The following RAB20 variants were observed in gnomAD, a reference collection of about 807,000 sequenced individuals.
RAB20 encodes the protein ras-related protein Rab-20.
RAB20 carries 2 observed loss-of-function variants against 3.7 expected under a neutral mutation model. The ratio of observed to expected loss-of-function variants is 0.54; its 90% CI spans 0.22 to 1.69. The LOEUF (loss-of-function observed/expected upper bound fraction) is 1.69, where lower values mean the gene tolerates loss of function less well. Ranked by LOEUF, RAB20 falls within the 40% of genes most tolerant of loss-of-function variation. The pLI is 0.19. For missense variants in RAB20, 276 were observed against 311.9 expected (o/e 0.88, Z 0.87); for synonymous variants, 126 against 130.8 (o/e 0.96, Z 0.25).
Position 110,524,216 on chromosome 13 carries a change from CAGAA to C in RAB20, c.173-23_173-20del. 6.4e-7 allele frequency: 1 copy of C among 1,563,162 alleles called. No homozygotes were observed. Among genetic ancestry groups the C allele is most frequent in the Non-Finnish European group, 8.6e-7 (1 of 1,160,538 alleles). ...TCCCGCCCTGGTGGGAAGAGAGGGACAGAAAGAGTGGTTATCTCTCATCTCAGAA... is the reference window on the plus strand; with the variant it reads ...TCCCGCCCTGGTGGGAAGAGAGGGACAGAGTGGTTATCTCTCATCTCAGAA... On this transcript the variant is annotated intron_variant, in intron 1 of 1. Coordinates refer to ENST00000267328, the MANE Select transcript of RAB20 (RefSeq NM_017817.3).
intron 1 of RAB20, among the ~76,000 whole-genome samples, chr13:110,536,723 G>GGC (rs1884645747): frequency 2.1e-5 from 1 of 46,802 alleles, no homozygotes; most frequent in Non-Finnish European, 4.0e-5. Flanking sequence ...CTTTTTTTTG[G>GGC]GGCGGTGGGG....
chr13:110,538,825 C>T (rs760932608), intron 1 of RAB20, among the ~76,000 whole-genome samples: 9 of 152,062 alleles, frequency 5.9e-5, no homozygotes, highest in Non-Finnish European at 1.0e-4. Flanking sequence ...CACGTTCTTA[C>T]TCTGAGACCA....
Position 110,524,092 on chromosome 13 carries a change from T to C in RAB20, c.278A>G (p.Asp93Gly). 1 of 1,613,530 alleles carries C rather than the reference T, an allele frequency of 6.2e-7. No homozygotes were observed. The highest frequency in any genetic ancestry group is 8.5e-7 in the Non-Finnish European group (1 of 1,180,012). The change falls in exon 2 of 2, where the codon GAC (aspartate) becomes GGC (glycine). Residue 93 changes from aspartate (D) to glycine (G), a missense_variant. Transcript: ENST00000267328. ...TGTGTCTGTCAGGCCCAGGAACCGGTCCTCCAGCTCCACCAGGCTCTGCCG... is the reference window on the plus strand; with the variant it reads ...TGTGTCTGTCAGGCCCAGGAACCGGCCCTCCAGCTCCACCAGGCTCTGCCG... ...NHRQSLVELE[D>G]RFLGLTDTAS...
chr13:110,553,747 G>A (rs945340072), intron 1 of RAB20, among the ~76,000 whole-genome samples: 1 of 152,172 alleles, frequency 6.6e-6, no homozygotes, highest in Non-Finnish European at 1.5e-5. Flanking sequence ...ACCATATTAA[G>A]GCCTCAAAAA....
At chr13:110,559,452 C>T (rs1367181371) in intron 1 of RAB20, among the ~76,000 whole-genome samples, 1 of 152,150 alleles carries the variant, frequency 6.6e-6, no homozygotes, top group Non-Finnish European at 1.5e-5. Flanking sequence ...CTGTTCCTAC[C>T]TCTCTTTTCC....
chr13:110,526,173 G>T lies in RAB20; in HGVS notation c.173-1976C>A, dbSNP rs77876825. On this transcript the variant is annotated intron_variant, in intron 1 of 1. Transcript: ENST00000267328. ...CCGGGCCATGCCCTTAGGCCAAGAG[G>T]AGGGAGAGCTGGGAACGACTGACAG... 9.4e-3 allele frequency among the ~76,000 whole-genome samples: 1,209 copies of T among 128,902 alleles called. 13 individuals carry two copies. Among genetic ancestry groups the T allele is most frequent in the African/African-American group, 0.034 (1,147 of 33,346 alleles). 84.6% of individuals were successfully genotyped at this position (128,902 alleles called of 152,430 possible).
At chr13:110,542,998 C>A (rs1309552723) in intron 1 of RAB20, among the ~76,000 whole-genome samples, 1 of 152,194 alleles carries the variant, frequency 6.6e-6, no homozygotes, top group Non-Finnish European at 1.5e-5. Context: ...ACAGGTGCGA[C>A]CTGACAGCTC....
intron 1 of RAB20, among the ~76,000 whole-genome samples, chr13:110,554,012 G>A (rs1316250247): frequency 1.3e-5 from 2 of 152,142 alleles, no homozygotes; most frequent in Non-Finnish European, 2.9e-5. Context: ...CTACTCAGGA[G>A]GCTGAGGTGG....
intron 1 of RAB20, among the ~76,000 whole-genome samples, chr13:110,529,755 C>T (rs1301504133): frequency 6.6e-6 from 1 of 152,102 alleles, no homozygotes; most frequent in Non-Finnish European, 1.5e-5. Context: ...CCCAGCCTTC[C>T]GCCAGACTCT....
Position 110,524,020 on chromosome 13 carries a change from A to T in RAB20, c.350T>A (p.Leu117His). 1.2e-6 allele frequency: 2 copies of T among 1,614,070 alleles called. No homozygotes were observed. Among genetic ancestry groups the T allele is most frequent in the Non-Finnish European group, 8.5e-7 (1 of 1,180,014 alleles). Residue 117 changes from leucine to histidine, a missense_variant, in exon 2 of 2, where the codon CTC becomes CAC. Leu to His is a moderately conservative substitution (Grantham distance 99, BLOSUM62 -3). Coordinates refer to ENST00000267328, the MANE Select transcript of RAB20 (RefSeq NM_017817.3). Reference sequence around the variant, plus strand: ...GCCCGCCAAGGCCCCCTCCTCAGTGAGGTCCACTTTGTTCCCCACGATGGC... The same window carrying T: ...GCCCGCCAAGGCCCCCTCCTCAGTGTGGTCCACTTTGTTCCCCACGATGGC... The part of the protein sequence containing the change: ...LFAIVGNKVD[L>H]TEEGALAGQE...
rs370664083 is a variant in RAB20, at chr13:110,524,166, C to G, written c.204G>C (p.Met68Ile). The G allele has an allele frequency of 6.2e-7, 1 of 1,602,782 alleles. No individual in the cohort carries two copies. Among genetic ancestry groups the G allele is most frequent in the Non-Finnish European group, 8.5e-7 (1 of 1,178,684 alleles). Residue 68 changes from methionine to isoleucine, a missense_variant, in exon 2 of 2, where the codon ATG becomes ATC. Physicochemically the swap from Met to Ile is conservative, Grantham distance 10. Transcript: ENST00000267328. Reference sequence around the variant, plus strand: ...TGATGGCGGCCGCCCCCCGGCAGTACATGGAGCCCAGGCCGTGGAACTGCT... The same window carrying G: ...TGATGGCGGCCGCCCCCCGGCAGTAGATGGAGCCCAGGCCGTGGAACTGCT... ...GREQFHGLGS[M>I]YCRGAAAIIL...
At chr13:110,543,774 A>ACT (rs934720976) in intron 1 of RAB20, among the ~76,000 whole-genome samples, 1 of 74,378 alleles carries the variant, frequency 1.3e-5, no homozygotes, top group African/African-American at 4.5e-5. Flanking sequence ...AATGTGGGTT[A>ACT]TTTTTTTTTT....
chr13:110,559,239 G>A (rs1885093219), intron 1 of RAB20, among the ~76,000 whole-genome samples: 1 of 145,408 alleles, frequency 6.9e-6, no homozygotes, highest in Admixed American at 6.8e-5. Context: ...CCTGCCTTGT[G>A]TGGCTAAAAG....
rs768093657 is a variant in RAB20 at position 110,537,704 on chromosome 13, CA to C, written c.173-13508del. Among the ~76,000 whole-genome samples, 417 of 146,970 alleles carry C rather than the reference CA, an allele frequency of 2.8e-3. 3 individuals are homozygous for C. Among genetic ancestry groups the C allele is most frequent in the Admixed American group, 8.0e-3 (118 of 14,806 alleles). On this transcript the variant is annotated intron_variant, in intron 1 of 1. Transcript: ENST00000267328. ...CTAAAGTGAGTCCAGCCACTATTAA[CA>C]GCTTTTAGAAACAGCTGACGCCCTT...
intron 1 of RAB20, among the ~76,000 whole-genome samples, chr13:110,527,083 C>T (rs557349665): frequency 6.6e-6 from 1 of 152,276 alleles, no homozygotes; most frequent in African/African-American, 2.4e-5. Flanking sequence ...GGCAGACTGT[C>T]CTTTGCCAAT....
At chr13:110,529,806 G>C (rs1202764570) in intron 1 of RAB20, among the ~76,000 whole-genome samples, 1 of 152,172 alleles carries the variant, frequency 6.6e-6, no homozygotes, top group Non-Finnish European at 1.5e-5. Flanking sequence ...CAAGCAGACG[G>C]GAGGATGGGT....
chr13:110,529,927 C>T (rs1455802384), intron 1 of RAB20, among the ~76,000 whole-genome samples: 2 of 152,164 alleles, frequency 1.3e-5, no homozygotes, highest in East Asian at 3.8e-4. Context: ...CACATACAGA[C>T]GAAGAGGTCA....
At chr13:110,550,249 AC>A (rs1884929899) in intron 1 of RAB20, among the ~76,000 whole-genome samples, 1 of 151,910 alleles carries the variant, frequency 6.6e-6, no homozygotes. Flanking sequence ...ATTCCGTGGC[AC>A]CCCTTCCAGA....
chr13:110,524,233 T>G (rs1793190118), intron 1 of RAB20, 36 bp from the exon 2 acceptor site: 1 of 1,544,080 alleles, frequency 6.5e-7, no homozygotes, highest in Non-Finnish European at 8.7e-7. Context: ...AGTGGTTATC[T>G]CTCATCTCAG....
Sources: allele counts gnomAD v4.1 joint callset (sites outside exome capture counted in the v4.1 genomes callset), GRCh38; gene constraint gnomAD v4.1.1; transcripts MANE v1.5; gene names NCBI Gene and HGNC (gene_info 2026-07-23, HGNC 2026-07-21).